PTPRM: variants seen among roughly 807,000 people sequenced by gnomAD.
PTPRM encodes receptor-type tyrosine-protein phosphatase mu.
Under a neutral mutation model 186.7 loss-of-function variants are expected in PTPRM, and 47 were observed. The ratio of observed to expected loss-of-function variants is 0.25; its 90% CI spans 0.20 to 0.32. The LOEUF (loss-of-function observed/expected upper bound fraction) is 0.32. Among genes scored for constraint, PTPRM ranks in the 10% least tolerant of loss-of-function variants. PTPRM has a pLI of 1.00. For synonymous variants in PTPRM, 668 were observed against 674.9 expected, an observed-to-expected ratio of 0.99 and a Z score of 0.16; for missense variants, 1,494 against 1,865.0, an observed-to-expected ratio of 0.80 and a Z score of 3.66.
intron 7 of PTPRM, among the ~76,000 whole-genome samples, chr18:7,984,602 T>TATATACACACACACACAC (rs1214502563): frequency 1.1e-5 from 1 of 87,198 alleles, no homozygotes; most frequent in African/African-American, 4.9e-5. Flanking sequence ...TATATATATA[T>TATATACACACACACACAC]ACACACACAC....
intron 1 of PTPRM, among the ~76,000 whole-genome samples, chr18:7,764,454 G>T (rs2041926263): frequency 6.6e-6 from 1 of 152,136 alleles, no homozygotes; most frequent in South Asian, 2.1e-4. Context: ...CACTCTTTCT[G>T]GGTCAATGAT....
Position 8,015,510 on chromosome 18 carries a change from T to G in PTPRM, c.1133-54176T>G, listed in dbSNP as rs533097691. The stretch of plus-strand genomic sequence containing the variant: ...GAATGTTGCTAACTCTGGATAACAC[T>G]TGGGGACTTGAGTCCCTGAAAGGCT... On this transcript the variant is annotated intron_variant, in intron 7 of 32. Coordinates refer to ENST00000580170, the MANE Select transcript of PTPRM (RefSeq NM_001105244.2). Among the ~76,000 whole-genome samples, 4 of 152,310 alleles carry G rather than the reference T, an allele frequency of 2.6e-5. No homozygotes were observed. The East Asian group carries it at 7.7e-4, about 29-fold the overall frequency.
chr18:7,772,355 CTTT>C (rs2042331119), intron 1 of PTPRM, among the ~76,000 whole-genome samples: 2 of 27,320 alleles, frequency 7.3e-5, no homozygotes, highest in Admixed American at 1.0e-3. Flanking sequence ...CTTTCTCTTT[CTTT>C]CTTTCTTTCT....
chr18:7,940,310 T>C (rs971982318), intron 5 of PTPRM, among the ~76,000 whole-genome samples: 2 of 152,202 alleles, frequency 1.3e-5, no homozygotes, highest in African/African-American at 4.8e-5. Context: ...ATGGGACTTG[T>C]ATTCTAGTAG....
chr18:8,085,828 G>T lies in PTPRM; in HGVS notation c.1709G>T (p.Gly570Val). The part of the protein sequence containing the change: ...SFTIRASTAK[G>V]FGPPATNQFT... ...ACCATCCGAGCTAGCACAGCTAAGGGTTTTGGGCCTCCAGCAACAAACCAG... is the reference window on the plus strand; with the variant it reads ...ACCATCCGAGCTAGCACAGCTAAGGTTTTTGGGCCTCCAGCAACAAACCAG... The change falls in exon 10 of 33, where the codon GGT (glycine) becomes GTT (valine). Residue 570 changes from glycine to valine, a missense_variant. Gly to Val is a moderately radical substitution (Grantham distance 109). Coordinates refer to ENST00000580170, the MANE Select transcript of PTPRM (RefSeq NM_001105244.2). 6.2e-7 allele frequency: 1 copy of T among 1,613,388 alleles called. No individual in the cohort carries two copies. Among genetic ancestry groups the T allele is most frequent in the Non-Finnish European group, 8.5e-7 (1 of 1,179,556 alleles).
intron 7 of PTPRM, among the ~76,000 whole-genome samples, chr18:7,972,116 G>A (rs1316022419): frequency 9.8e-6 from 1 of 102,392 alleles, no homozygotes; most frequent in Non-Finnish European, 1.8e-5. Context: ...ATACACCATG[G>A]AATACTATGC....
intron 1 of PTPRM, among the ~76,000 whole-genome samples, chr18:7,615,630 G>A (rs749737623): frequency 3.3e-5 from 5 of 152,064 alleles, no homozygotes; most frequent in African/African-American, 9.7e-5. Flanking sequence ...CTCCCTTCCT[G>A]TAAGGTGGCA....
At chr18:7,792,779 C>A (rs1382524580) in intron 2 of PTPRM, among the ~76,000 whole-genome samples, 1 of 152,024 alleles carries the variant, frequency 6.6e-6, no homozygotes, top group Non-Finnish European at 1.5e-5. Context: ...GATCCTACCA[C>A]CTCAGCCTCC....
chr18:7,581,656 C>CT (rs59375148), intron 1 of PTPRM, among the ~76,000 whole-genome samples: 3,802 of 137,240 alleles, frequency 0.028, 115 homozygotes, highest in East Asian at 0.098. Context: ...GTTTCATTTA[C>CT]TTTTTTTTTT....
chr18:7,849,852 A>G (rs941398710), intron 2 of PTPRM, among the ~76,000 whole-genome samples: 2 of 152,238 alleles, frequency 1.3e-5, no homozygotes, highest in African/African-American at 4.8e-5. Flanking sequence ...ACACATAACT[A>G]TCTTCCAAAC....
intron 23 of PTPRM, among the ~76,000 whole-genome samples, chr18:8,369,150 C>A (rs986305825): frequency 2.0e-5 from 3 of 152,092 alleles, no homozygotes; most frequent in African/African-American, 4.8e-5. Context: ...GGGAACAGGG[C>A]AAACACTTGT....
At chr18:7,853,837 T>C (rs564620776) in intron 2 of PTPRM, among the ~76,000 whole-genome samples, 1 of 152,232 alleles carries the variant, frequency 6.6e-6, no homozygotes, top group South Asian at 2.1e-4. Context: ...TCTAATCAGG[T>C]TTACAGCTTT....
intron 14 of PTPRM, among the ~76,000 whole-genome samples, chr18:8,197,110 T>G (rs955276912): frequency 6.6e-6 from 1 of 152,202 alleles, no homozygotes; most frequent in East Asian, 1.9e-4. Context: ...ATAAGAAATA[T>G]TCAGAAATAG....
chr18:8,067,324 C>T (rs922730272), intron 7 of PTPRM, among the ~76,000 whole-genome samples: 17 of 151,964 alleles, frequency 1.1e-4, no homozygotes, highest in Admixed American at 5.2e-4. Context: ...TAGACATTTC[C>T]GTTAAGTTGT....
chr18:8,168,861 T>C (rs573713254), intron 14 of PTPRM, among the ~76,000 whole-genome samples: 2 of 152,342 alleles, frequency 1.3e-5, no homozygotes, highest in South Asian at 4.1e-4. Flanking sequence ...CTTATCATGG[T>C]GTGTTCACAC....
chr18:7,746,954 T>C (rs943778750), intron 1 of PTPRM, among the ~76,000 whole-genome samples: 2 of 152,146 alleles, frequency 1.3e-5, no homozygotes, highest in African/African-American at 4.8e-5. Context: ...AGCAGGTCTC[T>C]GCTACTCCAG....
intron 2 of PTPRM, among the ~76,000 whole-genome samples, chr18:7,778,360 T>G (rs1215424300): frequency 6.6e-6 from 1 of 152,220 alleles, no homozygotes; most frequent in Admixed American, 6.5e-5. Flanking sequence ...GTTTTCTTGG[T>G]GGTGAAACCA....
At chr18:8,018,700 A>G (rs932832289) in intron 7 of PTPRM, among the ~76,000 whole-genome samples, 17 of 152,236 alleles carry the variant, frequency 1.1e-4, no homozygotes, top group African/African-American at 4.1e-4. Flanking sequence ...AGTAAATTGG[A>G]TTTTCTTTCA....
chr18:8,052,058 G>T (rs2087539503), intron 7 of PTPRM, among the ~76,000 whole-genome samples: 1 of 152,166 alleles, frequency 6.6e-6, no homozygotes, highest in Non-Finnish European at 1.5e-5. Context: ...TCAGTGTGCA[G>T]GTGAAGATTC....
Sources: allele counts gnomAD v4.1 joint callset (sites outside exome capture counted in the v4.1 genomes callset), GRCh38; gene constraint gnomAD v4.1.1; transcripts MANE v1.5; gene names NCBI Gene and HGNC (gene_info 2026-07-23, HGNC 2026-07-21).